The following TATDN1 variants were observed in gnomAD, a reference collection of about 807,000 sequenced individuals.
TATDN1 encodes the protein TatD DNase domain containing 1.
A neutral mutation model predicts 46.4 loss-of-function variants in TATDN1; 40 were observed. That is an observed-to-expected ratio of 0.86 (90% CI 0.67 to 1.12). TATDN1 has a LOEUF of 1.12. Among genes scored for constraint, TATDN1 ranks in the 50% most tolerant of loss-of-function variants. TATDN1 has a pLI of 0.00. For synonymous variants in TATDN1, 95 were observed against 105.6 expected (o/e 0.90, Z 0.62); for missense variants, 326 against 348.4 (o/e 0.94, Z 0.51).
At chr8:124,508,226 A>G (rs1818681706) in intron 8 of TATDN1, among the ~76,000 whole-genome samples, 1 of 152,234 alleles carries the variant, frequency 6.6e-6, no homozygotes, top group African/African-American at 2.4e-5. Flanking sequence ...AAGGGACTCA[A>G]GTCTAAACAT....
chr8:124,512,959 G>T (rs1586622502), intron 6 of TATDN1, among the ~76,000 whole-genome samples: 1 of 152,064 alleles, frequency 6.6e-6, no homozygotes, highest in African/African-American at 2.4e-5. Flanking sequence ...CTGTTGCCCG[G>T]GCTGGAGTCC....
At chr8:124,515,521 A>C (rs1000806508) in intron 6 of TATDN1, among the ~76,000 whole-genome samples, 3 of 152,220 alleles carry the variant, frequency 2.0e-5, no homozygotes, top group Non-Finnish European at 4.4e-5. Context: ...AATTTCTACC[A>C]TTACAATAAA....
At chr8:124,530,795 C>A (rs577370383) in intron 1 of TATDN1, among the ~76,000 whole-genome samples, 21 of 152,248 alleles carry the variant, frequency 1.4e-4, no homozygotes, top group African/African-American at 5.1e-4. Context: ...TTAAATGAGA[C>A]CCAGTGTCTT....
chr8:124,513,213 G>A (rs941515236), intron 6 of TATDN1, among the ~76,000 whole-genome samples: 25 of 151,974 alleles, frequency 1.6e-4, no homozygotes, highest in Non-Finnish European at 3.2e-4. Flanking sequence ...GCACCCGGCT[G>A]TTTTTTTAAC....
intron 1 of TATDN1, among the ~76,000 whole-genome samples, chr8:124,537,168 A>C (rs944369701): frequency 6.6e-6 from 1 of 152,182 alleles, no homozygotes; most frequent in Non-Finnish European, 1.5e-5. Context: ...ACTCATTCAT[A>C]CTTTCCCAAA....
rs978039463 is a variant in TATDN1 at position 124,534,171 on chromosome 8, A to G, written c.22+4854T>C. 3.4e-5 allele frequency among the ~76,000 whole-genome samples: 5 copies of G among 147,620 alleles called. 1 individual carries two copies. The East Asian group carries it at 9.7e-4, about 29-fold the overall frequency. ...AAAAAAAAAAAAAAAAAAAAAAAAA[A>G]AAAAAAAAGAAATGCGCTAGAGCAA... On this transcript the variant is annotated intron_variant, in intron 1 of 11. Transcript: ENST00000276692.
At chr8:124,503,344 T>C (rs1209390702) in intron 9 of TATDN1, among the ~76,000 whole-genome samples, 1 of 152,182 alleles carries the variant, frequency 6.6e-6, no homozygotes, top group Non-Finnish European at 1.5e-5. Flanking sequence ...AAAAGCTGAC[T>C]TGGGGTAAGG....
intron 3 of TATDN1, chr8:124,521,946 AC>A (rs1820082625): frequency 2.5e-6 from 1 of 405,130 alleles, no homozygotes; most frequent in African/African-American, 2.1e-5. Flanking sequence ...ATATATAAAA[AC>A]AATACATGAG....
chr8:124,512,755 C>A (rs1819132012), intron 6 of TATDN1, among the ~76,000 whole-genome samples: 1 of 152,052 alleles, frequency 6.6e-6, no homozygotes, highest in East Asian at 1.9e-4. Context: ...ATAATGAAAA[C>A]CCATTTCTGT....
chr8:124,505,678 C>CA, intron 8 of TATDN1, among the ~76,000 whole-genome samples: 1 of 151,832 alleles, frequency 6.6e-6, no homozygotes, highest in African/African-American at 2.4e-5. Flanking sequence ...TTTATATAAT[C>CA]AAAAACAACA....
At chr8:124,495,673 A>G (rs1483945514) in intron 9 of TATDN1, 131 bp from the exon 10 acceptor site, 9 of 661,384 alleles carry the variant, frequency 1.4e-5, no homozygotes, top group South Asian at 2.0e-5. Flanking sequence ...TATACTTTGG[A>G]AAGTATTTGC....
chr8:124,523,722 G>C (rs1013438936), intron 1 of TATDN1, among the ~76,000 whole-genome samples: 1 of 152,088 alleles, frequency 6.6e-6, no homozygotes, highest in African/African-American at 2.4e-5. Context: ...CAGGTTACAG[G>C]CAAACACCAA....
chr8:124,529,207 T>G (rs959575578), intron 1 of TATDN1, among the ~76,000 whole-genome samples: 3 of 152,160 alleles, frequency 2.0e-5, no homozygotes, highest in Non-Finnish European at 2.9e-5. Flanking sequence ...TGGGCCTGAG[T>G]GCACTCAATA....
chr8:124,500,903 T>G (rs1817909638), intron 9 of TATDN1, among the ~76,000 whole-genome samples: 1 of 152,114 alleles, frequency 6.6e-6, no homozygotes, highest in Non-Finnish European at 1.5e-5. Flanking sequence ...CCAAGTAACT[T>G]AAATGCTATG....
At chr8:124,508,779 T>C in intron 6 of TATDN1, 91 bp from the exon 7 acceptor site, 1 of 783,802 alleles carries the variant, frequency 1.3e-6, no homozygotes, top group Admixed American at 3.4e-5. Context: ...AAATTAAAGG[T>C]ATTTAATTCT....
intron 9 of TATDN1, among the ~76,000 whole-genome samples, chr8:124,499,753 C>T (rs989954781): frequency 1.3e-5 from 2 of 151,626 alleles, no homozygotes; most frequent in African/African-American, 4.8e-5. Context: ...ACTTTGTCAG[C>T]CAGGATGGTC....
chr8:124,525,865 T>C (rs1820441384), intron 1 of TATDN1, among the ~76,000 whole-genome samples: 1 of 152,230 alleles, frequency 6.6e-6, no homozygotes, highest in African/African-American at 2.4e-5. Context: ...ATTTATTTAA[T>C]TTGTTCAAAA....
intron 9 of TATDN1, among the ~76,000 whole-genome samples, chr8:124,501,110 A>C (rs528060136): frequency 1.3e-5 from 2 of 152,328 alleles, no homozygotes; most frequent in Admixed American, 1.3e-4. Flanking sequence ...CTGGAGAACA[A>C]CAAGCACAGA....
rs1586655842 is a variant in TATDN1 at position 124,522,953 on chromosome 8, C to G, written c.72G>C (p.Gly24=). The G allele has an allele frequency of 6.2e-7, 1 of 1,613,178 alleles. No homozygotes were observed. Among genetic ancestry groups the G allele is most frequent in the East Asian group, 2.2e-5 (1 of 44,864 alleles). Reference sequence around the variant, plus strand: ...AATATTTACCTTGATGCTTTTGAACCCCCCTATAAATTCCTCTGAACATAG... The same window carrying G: ...AATATTTACCTTGATGCTTTTGAACGCCCCTATAAATTCCTCTGAACATAG... The part of the protein sequence containing the change: ...TDPMFRGIYR[G]VQKHQDDLQD... The change falls in exon 2 of 12, where the codon GGG becomes GGC. Residue 24 remains glycine (G), a synonymous_variant. Transcript: ENST00000276692.
Sources: gnomAD v4.1 joint callset for allele counts (sites outside exome capture counted in the v4.1 genomes callset) on GRCh38, gnomAD v4.1.1 for gene constraint, MANE v1.5 for transcripts, NCBI Gene and HGNC (gene_info 2026-07-23, HGNC 2026-07-21) for gene names.